The following ITGA2B variants were observed in gnomAD, a reference collection of about 807,000 sequenced individuals.
The protein encoded by ITGA2B is integrin subunit alpha 2b, also known as integrin alpha-IIb.
In ITGA2B, 91 loss-of-function variants were observed where a neutral mutation model predicts 142.0. The ratio of observed to expected loss-of-function variants is 0.64; its 90% CI spans 0.54 to 0.76. ITGA2B has a LOEUF of 0.76. Among genes scored for constraint, ITGA2B ranks in the 30% least tolerant of loss-of-function variants. The probability of loss-of-function intolerance (pLI) is 0.00; values close to 1 mark genes in which losing one functional copy is unlikely to be tolerated. For synonymous variants in ITGA2B, 536 were observed against 567.2 expected, an observed-to-expected ratio of 0.94 and a Z score of 0.78; for missense variants, 1,231 against 1,350.8, an observed-to-expected ratio of 0.91 and a Z score of 1.39.
chr17:44,373,503 T>C (rs2048514094), intron 29 of ITGA2B, among the ~76,000 whole-genome samples: 1 of 152,198 alleles, frequency 6.6e-6, no homozygotes, highest in East Asian at 1.9e-4. Context: ...TATTTGATTA[T>C]TGTGGGTCTA....
At chr17:44,382,275 T>C (rs2048603658) in intron 12 of ITGA2B, among the ~76,000 whole-genome samples, 1 of 152,040 alleles carries the variant, frequency 6.6e-6, no homozygotes, top group African/African-American at 2.4e-5. Flanking sequence ...TCACCTTTTC[T>C]CTTTTTCCTC....
rs142670897 is a variant in ITGA2B at position 44,380,394 on chromosome 17, G to A, written c.1536C>T (p.Pro512=). Residue 512 remains proline, a synonymous_variant, in exon 15 of 30, where the codon CCC becomes CCT. Transcript: ENST00000262407. ...GCCCTCTGCCTCCTCACCAGCTCAC[G>A]GGTGTCTTGGTCTGAGGTAGGACAC... ...KSCVLPQTKT[P]VSCFNIQMCV... 57 of 1,614,078 alleles carry A rather than the reference G, an allele frequency of 3.5e-5. No homozygotes were observed. The highest frequency in any genetic ancestry group is 1.6e-4 in the Middle Eastern group (1 of 6,062).
At chr17:44,376,972 GA>G in intron 22 of ITGA2B, 36 bp downstream of exon 22, 1 of 1,524,636 alleles carries the variant, frequency 6.6e-7, no homozygotes. Flanking sequence ...TCAGACGGGG[GA>G]AGGGTGGTGG....
rs1323235026 is a variant in ITGA2B at position 44,374,702 on chromosome 17, G to T, written c.2900C>A (p.Pro967His). Residue 967 changes from proline to histidine, a missense_variant, in exon 28 of 30, where the codon CCC becomes CAC. This residue lies in a region of ITGA2B where 908 missense variants were observed against 1,021.1 expected (regional missense o/e 0.89). Coordinates refer to ENST00000262407, the MANE Select transcript of ITGA2B (RefSeq NM_000419.5). The part of the protein sequence containing the change: ...SHAWFNVSSL[P>H]YAVPPLSLPR... ...CAGGCTGAGCGGGGGCACCGCATAG[G>T]GGAGGGAGGACACGTTGAACCATGC... 3 of 1,614,076 alleles carry T rather than the reference G, an allele frequency of 1.9e-6. No homozygotes were observed. Among genetic ancestry groups the T allele is most frequent in the South Asian group, 2.2e-5 (2 of 91,080 alleles).
rs759462215 is a variant in ITGA2B at position 44,374,731 on chromosome 17, C to G, written c.2871G>C (p.Ser957=). The change falls in exon 28 of 30, where the codon TCG becomes TCC. Residue 957 remains serine (S), a synonymous_variant. Transcript: ENST00000262407. ...QRPLDQFVLQ[S]HAWFNVSSLP... is the part of the protein sequence containing the mutation. Reference sequence around the variant, plus strand: ...GGGAGGACACGTTGAACCATGCGTGCGACTGCAGCACAAACTGATCCAGAG... The same window carrying G: ...GGGAGGACACGTTGAACCATGCGTGGGACTGCAGCACAAACTGATCCAGAG... The G allele has an allele frequency of 3.1e-6, 5 of 1,613,888 alleles. No individual in the cohort carries two copies. The highest frequency in any genetic ancestry group is 1.7e-5 in the Admixed American group (1 of 60,002).
chr17:44,385,746 G>T, intron 3 of ITGA2B, 30 bp from the exon 4 acceptor site: 1 of 1,613,362 alleles, frequency 6.2e-7, no homozygotes, highest in Non-Finnish European at 8.5e-7. Flanking sequence ...GTGGGGACGG[G>T]CGCGAGACTT....
chr17:44,372,346 A>G lies in ITGA2B; in HGVS notation c.*18T>C, dbSNP rs374096642. The G allele has an allele frequency of 6.8e-6, 11 of 1,613,806 alleles. No individual in the cohort carries two copies. Among genetic ancestry groups the G allele is most frequent in the Non-Finnish European group, 9.3e-6 (11 of 1,179,776 alleles). Reference sequence around the variant, plus strand: ...TAGCACGCCCAACCCTCCTGCTAGAATAGTGTAGGCTGCACCATCACTCCC... The same window carrying G: ...TAGCACGCCCAACCCTCCTGCTAGAGTAGTGTAGGCTGCACCATCACTCCC... On this transcript the variant is annotated 3_prime_UTR_variant, in exon 30 of 30. Coordinates refer to ENST00000262407, the MANE Select transcript of ITGA2B (RefSeq NM_000419.5).
At position 44,384,529 on chromosome 17, in the gene ITGA2B, A is replaced by T. The variant is rs1430208981; in HGVS notation, c.847+9T>A. The T allele has an allele frequency of 1.9e-6, 3 of 1,613,802 alleles. No individual in the cohort carries two copies. On this transcript the variant is annotated intron_variant, in intron 8 of 29. Coordinates refer to ENST00000262407, the MANE Select transcript of ITGA2B (RefSeq NM_000419.5). ...GCTACCCAACTCCCGCCCTAAGTGG[A>T]TTTCTTGCCTGTAGTGTTGAGATCC... is the stretch of plus-strand genomic sequence containing the variant.
Position 44,374,338 on chromosome 17 carries a change from G to A in ITGA2B, c.3060+16C>T, listed in dbSNP as rs141715430. On this transcript the variant is annotated intron_variant, in intron 29 of 29. Transcript: ENST00000262407. Reference sequence around the variant, plus strand: ...CCTGTGCCCCGCTGGGGACTCCACCGTCCTTCACACCTCACCTTCCACATG... The same window carrying A: ...CCTGTGCCCCGCTGGGGACTCCACCATCCTTCACACCTCACCTTCCACATG... 1.3e-5 allele frequency: 21 copies of A among 1,609,912 alleles called. No individual in the cohort carries two copies. The highest frequency in any genetic ancestry group is 2.2e-5 in the East Asian group (1 of 44,862).
chr17:44,380,506 G>A lies in ITGA2B; in HGVS notation c.1440-16C>T. The A allele has an allele frequency of 6.2e-7, 1 of 1,613,896 alleles. No homozygotes were observed. The highest frequency in any genetic ancestry group is 1.1e-5 in the South Asian group (1 of 91,066). On this transcript the variant is annotated splice_polypyrimidine_tract_variant and intron_variant, in intron 14 of 29. Coordinates refer to ENST00000262407, the MANE Select transcript of ITGA2B (RefSeq NM_000419.5). Reference sequence around the variant, plus strand: ...TGGCTGAGCTCTGATGGGATAGGGTGATGGGGTAGGCTTGCCATTGTGGCT... The same window carrying A: ...TGGCTGAGCTCTGATGGGATAGGGTAATGGGGTAGGCTTGCCATTGTGGCT...
intron 21 of ITGA2B, 105 bp from the exon 22 acceptor site, chr17:44,377,193 T>C (rs1031154879): frequency 7.2e-6 from 6 of 836,384 alleles, no homozygotes; most frequent in Non-Finnish European, 1.2e-5. Flanking sequence ...ACCACTATTC[T>C]TTTTCTTTTT....
In ITGA2B at chr17:44,375,895, G is replaced by T; in HGVS notation, c.2539C>A (p.Leu847Met). 4 of 1,611,318 alleles carry T rather than the reference G, an allele frequency of 2.5e-6. No individual in the cohort carries two copies. Among genetic ancestry groups the T allele is most frequent in the Non-Finnish European group, 3.4e-6 (4 of 1,178,986 alleles). ...AGGCCCCCCTGGGGCTGTATATCCA[G>T]GATGTAGAGCAGGTCGGAGGGCTGG... ...QSQPSDLLYI[L>M]DIQPQGGLQC... is the part of the protein sequence containing the mutation. Residue 847 changes from leucine (L) to methionine (M), a missense_variant, in exon 25 of 30, where the codon CTG (leucine) becomes ATG (methionine). By Grantham distance (15) the Leu-to-Met change is conservative (BLOSUM62 2). Transcript: ENST00000262407.
In ITGA2B at chr17:44,372,428, G is replaced by A. The variant is rs758258314; in HGVS notation, c.3061-5C>T. On this transcript the variant is annotated splice_polypyrimidine_tract_variant and splice_region_variant and intron_variant, in intron 29 of 29. Transcript: ENST00000262407. ...GTTCCGCTTGAAGAAGCCGACCTGG[G>A]GGTACACGGGGGCCAAGGTCAGGGT... The A allele has an allele frequency of 1.9e-6, 3 of 1,613,772 alleles. No homozygotes were observed. The Admixed American group carries it at 5.0e-5, about 27-fold the overall frequency.
Position 44,374,341 on chromosome 17 carries a change from C to T in ITGA2B, c.3060+13G>A. 1.2e-6 allele frequency: 2 copies of T among 1,612,330 alleles called. No homozygotes were observed. Among genetic ancestry groups the T allele is most frequent in the Non-Finnish European group, 1.7e-6 (2 of 1,178,456 alleles). On this transcript the variant is annotated intron_variant, in intron 29 of 29. Coordinates refer to ENST00000262407, the MANE Select transcript of ITGA2B (RefSeq NM_000419.5). ...GTGCCCCGCTGGGGACTCCACCGTC[C>T]TTCACACCTCACCTTCCACATGGCC...
chr17:44,384,044 C>T, intron 10 of ITGA2B, 41 bp downstream of exon 10: 1 of 1,613,626 alleles, frequency 6.2e-7, no homozygotes, highest in Non-Finnish European at 8.5e-7. Flanking sequence ...AGTCTCAGTT[C>T]CCCCTCCACC....
chr17:44,389,200 G>T, intron 1 of ITGA2B, 86 bp downstream of exon 1: 2 of 1,465,052 alleles, frequency 1.4e-6, no homozygotes, highest in Non-Finnish European at 1.9e-6. Flanking sequence ...AACTGCTATC[G>T]CAAATGGGAA....
intron 1 of ITGA2B, among the ~76,000 whole-genome samples, chr17:44,387,094 T>C (rs544056011): frequency 2.0e-5 from 3 of 152,002 alleles, no homozygotes; most frequent in Non-Finnish European, 4.4e-5. Context: ...GATGTTTAAG[T>C]AGTGCCAATG....
chr17:44,380,404 G>T lies in ITGA2B; in HGVS notation c.1526C>A (p.Thr509Asn). 1 of 1,614,136 alleles carries T rather than the reference G, an allele frequency of 6.2e-7. No individual in the cohort carries two copies. Among genetic ancestry groups the T allele is most frequent in the Non-Finnish European group, 8.5e-7 (1 of 1,180,024 alleles). Residue 509 changes from threonine to asparagine, a missense_variant, in exon 15 of 30, where the codon ACC becomes AAC. Physicochemically the swap from Thr to Asn is moderately conservative, Grantham distance 65. This residue lies in a region of ITGA2B where 908 missense variants were observed against 1,021.1 expected (regional missense o/e 0.89). Coordinates refer to ENST00000262407, the MANE Select transcript of ITGA2B (RefSeq NM_000419.5). Reference sequence around the variant, plus strand: ...TCCTCACCAGCTCACGGGTGTCTTGGTCTGAGGTAGGACACAGCTCTTCAC... The same window carrying T: ...TCCTCACCAGCTCACGGGTGTCTTGTTCTGAGGTAGGACACAGCTCTTCAC... ...PAVKSCVLPQTKTPVSCFNIQ... is the reference protein window; with the variant it reads ...PAVKSCVLPQNKTPVSCFNIQ...
intron 1 of ITGA2B, among the ~76,000 whole-genome samples, chr17:44,387,359 C>A (rs1044774835): frequency 6.7e-6 from 1 of 150,278 alleles, no homozygotes; most frequent in African/African-American, 2.5e-5. Context: ...CCTGTCTCTA[C>A]TAAAAATACA....
Sources: gnomAD v4.1 joint callset for allele counts (sites outside exome capture counted in the v4.1 genomes callset) on GRCh38, gnomAD v4.1.1 for gene constraint, gnomAD v4.1.1 regional missense constraint, MANE v1.5 for transcripts, NCBI Gene and HGNC (gene_info 2026-07-23, HGNC 2026-07-21) for gene names.